GALNT13: variants seen among roughly 807,000 people sequenced by gnomAD.
GALNT13 encodes polypeptide N-acetylgalactosaminyltransferase 13, also known as UDP-GalNAc:polypeptide N-acetylgalactosaminyltransferase 13.
A neutral mutation model predicts 64.2 loss-of-function variants in GALNT13; 28 were observed. That is an observed-to-expected ratio of 0.44 (90% CI 0.32 to 0.60). The LOEUF (loss-of-function observed/expected upper bound fraction) is 0.60. Among genes scored for constraint, GALNT13 ranks in the 20% least tolerant of loss-of-function variants. The pLI, the probability that GALNT13 is intolerant of heterozygous loss-of-function variation, is 0.05. For missense variants in GALNT13, 577 were observed against 669.8 expected (o/e 0.86, Z 1.53); for synonymous variants, 214 against 224.6 (o/e 0.95, Z 0.42).
the GALNT13 span, among the ~76,000 whole-genome samples, chr2:153,107,186 T>A: frequency 5.3e-5 from 8 of 152,134 alleles, no homozygotes; most frequent in Non-Finnish European, 1.0e-4. Context: ...TTGAGCTTTG[T>A]GATGAAAGGT....
At chr2:153,330,985 C>G in the GALNT13 span, among the ~76,000 whole-genome samples, 1 of 151,998 alleles carries the variant, frequency 6.6e-6, no homozygotes, top group African/African-American at 2.4e-5. Context: ...TTTTATCATG[C>G]AGGAATATTC....
At chr2:153,327,091 A>T in the GALNT13 span, among the ~76,000 whole-genome samples, 45,064 of 148,382 alleles carry the variant, frequency 0.3, 7,844 homozygotes, top group Non-Finnish European at 0.41. Context: ...CTCAAAAAAT[A>T]AAAAAAAAAA....
the GALNT13 span, among the ~76,000 whole-genome samples, chr2:153,784,261 T>A: frequency 0.24 from 36,488 of 152,106 alleles, 5,753 homozygotes; most frequent in Middle Eastern, 0.44. Context: ...CATATGGAGA[T>A]GAGAACTTGT....
chr2:153,872,640 C>A, intron 1 of GALNT13, among the ~76,000 whole-genome samples: 1 of 134,102 alleles, frequency 7.5e-6, no homozygotes, highest in Non-Finnish European at 1.6e-5. Context: ...GGGGGAGCGG[C>A]TCTGGCCCCC....
the GALNT13 span, among the ~76,000 whole-genome samples, chr2:153,583,024 T>G: frequency 6.6e-6 from 1 of 152,328 alleles, no homozygotes. Flanking sequence ...TATTCTTGTG[T>G]TGCTTAGTCT....
At chr2:153,892,939 T>C (rs944010617) in intron 1 of GALNT13, among the ~76,000 whole-genome samples, 1 of 152,094 alleles carries the variant, frequency 6.6e-6, no homozygotes, top group African/African-American at 2.4e-5. Flanking sequence ...GCTCAGTGTG[T>C]ATCCAGAGTG....
At chr2:153,787,907 A>G in the GALNT13 span, among the ~76,000 whole-genome samples, 7 of 152,216 alleles carry the variant, frequency 4.6e-5, no homozygotes, top group Non-Finnish European at 5.9e-5. Flanking sequence ...ACAGAAGGGA[A>G]CAAGCAAAAC....
At chr2:154,445,912 G>A (rs1701545871) in intron 12 of GALNT13, 2 of 668,662 alleles carry the variant, frequency 3.0e-6, no homozygotes, top group Non-Finnish European at 4.7e-6. Flanking sequence ...TGGAGAGCAA[G>A]AAACAGACAG....
At chr2:154,303,917 C>T (rs1371748162) in intron 9 of GALNT13, among the ~76,000 whole-genome samples, 2 of 151,962 alleles carry the variant, frequency 1.3e-5, no homozygotes, top group Non-Finnish European at 2.9e-5. Context: ...GCCACCATGG[C>T]CGGCTAATTT....
chr2:153,801,862 A>ATTAT, the GALNT13 span, among the ~76,000 whole-genome samples: 1 of 152,090 alleles, frequency 6.6e-6, no homozygotes, highest in Non-Finnish European at 1.5e-5. Flanking sequence ...CCACTTATGT[A>ATTAT]TGGTATGTAT....
chr2:153,943,457 T>G (rs1435234250), intron 2 of GALNT13, among the ~76,000 whole-genome samples: 1 of 151,734 alleles, frequency 6.6e-6, no homozygotes, highest in Non-Finnish European at 1.5e-5. Context: ...CAATTTTTTC[T>G]GTTTTATGTA....
intron 3 of GALNT13, among the ~76,000 whole-genome samples, chr2:154,027,816 AT>A (rs1395016204): frequency 6.6e-6 from 1 of 152,146 alleles, no homozygotes; most frequent in African/African-American, 2.4e-5. Context: ...TGACAAAGAC[AT>A]TTCCTAAGGC....
chr2:153,764,316 C>G, the GALNT13 span, among the ~76,000 whole-genome samples: 1 of 152,184 alleles, frequency 6.6e-6, no homozygotes, highest in Non-Finnish European at 1.5e-5. Context: ...GAGGGCAGAT[C>G]TCCTGAGATT....
At chr2:153,253,630 T>C in the GALNT13 span, among the ~76,000 whole-genome samples, 22 of 151,012 alleles carry the variant, frequency 1.5e-4, no homozygotes, top group Admixed American at 2.6e-4. Context: ...CTTATTATTT[T>C]GAAATACATC....
rs775341273 is a variant in GALNT13, at chr2:154,417,517, A to ATTTTT, written c.1395+8438_1395+8439insTTTTT. 8.3e-4 allele frequency among the ~76,000 whole-genome samples: 105 copies of ATTTTT among 127,098 alleles called. 1 individual carries two copies. The highest frequency in any genetic ancestry group is 3.2e-3 in the African/African-American group (102 of 31,770). The allele number at this position is 127,098 out of a possible 152,430, so 83.4% of individuals were successfully genotyped here. The stretch of plus-strand genomic sequence containing the variant: ...TATTTATTTATTTATTTATTTATTT[A>ATTTTT]TTTATTTTTTTGAGGCGGAGTCTTG... On this transcript the variant is annotated intron_variant, in intron 11 of 12. Transcript: ENST00000392825.
intron 3 of GALNT13, among the ~76,000 whole-genome samples, chr2:154,065,751 A>G (rs1119744): frequency 0.76 from 114,906 of 151,930 alleles, 43,838 homozygotes; most frequent in East Asian, 0.96. Flanking sequence ...GTCTTCCCTA[A>G]AAGGACAGGT....
At chr2:153,504,500 G>A in the GALNT13 span, among the ~76,000 whole-genome samples, 1 of 152,160 alleles carries the variant, frequency 6.6e-6, no homozygotes, top group Admixed American at 6.5e-5. Flanking sequence ...TCCCCATTCA[G>A]TATAATGATG....
At chr2:153,644,382 A>G in the GALNT13 span, among the ~76,000 whole-genome samples, 4 of 152,020 alleles carry the variant, frequency 2.6e-5, no homozygotes, top group South Asian at 8.3e-4. Context: ...TTCACCATTC[A>G]ATTTGATTTT....
At chr2:153,129,883 A>G in the GALNT13 span, among the ~76,000 whole-genome samples, 2 of 152,230 alleles carry the variant, frequency 1.3e-5, no homozygotes, top group African/African-American at 4.8e-5. Context: ...GAATAAAGCA[A>G]CACATACAAT....
Sources: gnomAD v4.1 joint callset for allele counts (sites outside exome capture counted in the v4.1 genomes callset) on GRCh38, gnomAD v4.1.1 for gene constraint, MANE v1.5 for transcripts, NCBI Gene and HGNC (gene_info 2026-07-23, HGNC 2026-07-21) for gene names.